The following HEATR6 variants were observed in gnomAD, a reference collection of about 807,000 sequenced individuals.
The protein encoded by HEATR6 is HEAT repeat containing 6, also known as HEAT repeat-containing protein 6.
Under a neutral mutation model 132.8 loss-of-function variants are expected in HEATR6, and 106 were observed. The ratio of observed to expected loss-of-function variants is 0.80; its 90% CI spans 0.68 to 0.94. The LOEUF (loss-of-function observed/expected upper bound fraction) is 0.94. Ranked by LOEUF, HEATR6 falls within the 40% of genes least tolerant of loss-of-function variation. The pLI is 0.00. For missense variants in HEATR6, 1,339 were observed against 1,425.1 expected, an observed-to-expected ratio of 0.94 and a Z score of 0.97; for synonymous variants, 529 against 537.8, an observed-to-expected ratio of 0.98 and a Z score of 0.23.
At chr17:60,052,329 C>A (rs894543629) in intron 14 of HEATR6, among the ~76,000 whole-genome samples, 1 of 152,194 alleles carries the variant, frequency 6.6e-6, no homozygotes, top group African/African-American at 2.4e-5. Flanking sequence ...AATTCCTGAC[C>A]CACAGAAACT....
At position 60,073,276 on chromosome 17, in the gene HEATR6, G is replaced by A. The variant is rs2083278881; in HGVS notation, c.472C>T (p.Leu158Phe). The part of the protein sequence containing the change: ...YCNGSKCQKY[L>F]PELLGNTGLL... ...CCGGTGTTGCCTAGCAGCTCTGGGA[G>A]GTACTAAGAAAAATAAGAGTCAATG... is the stretch of plus-strand genomic sequence containing the variant. Residue 158 changes from leucine to phenylalanine, a missense_variant, in exon 4 of 20, where the codon CTC becomes TTC. Leu to Phe is a conservative substitution (Grantham distance 22). Transcript: ENST00000184956. 6.3e-7 allele frequency: 1 copy of A among 1,586,878 alleles called. No homozygotes were observed. The highest frequency in any genetic ancestry group is 8.7e-7 in the Non-Finnish European group (1 of 1,155,628).
Position 60,041,921 on chromosome 17 carries a change from T to C in HEATR6, c.*1642A>G, listed in dbSNP as rs1906184638. Among the ~76,000 whole-genome samples, 1 of 152,236 alleles carries C rather than the reference T, an allele frequency of 6.6e-6. No homozygotes were observed. The highest frequency in any genetic ancestry group is 2.4e-5 in the African/African-American group (1 of 41,460). On this transcript the variant is annotated 3_prime_UTR_variant, in exon 20 of 20. Coordinates refer to ENST00000184956, the MANE Select transcript of HEATR6 (RefSeq NM_022070.5). ...CAAAGATAAGTATGGACAACTGTAA[T>C]TGGTTCTTATATATCCCTAAATTCC... is the stretch of plus-strand genomic sequence containing the variant.
rs2083248368 is a variant in HEATR6 at position 60,067,526 on chromosome 17, G to A, written c.1146C>T (p.Val382=). 6.2e-7 allele frequency: 1 copy of A among 1,613,016 alleles called. No individual in the cohort carries two copies. Among genetic ancestry groups the A allele is most frequent in the African/African-American group, 1.3e-5 (1 of 74,842 alleles). Residue 382 remains valine, a synonymous_variant, in exon 8 of 20, where the codon GTC becomes GTT. Coordinates refer to ENST00000184956, the MANE Select transcript of HEATR6 (RefSeq NM_022070.5). The part of the protein sequence containing the change: ...DGSGAAEKDG[V]SSSFSSSSWK... ...AACTGGAAGAACTGAAGGATGAGGA[G>A]ACTCCATCTTTTTCTGCAGCTCCAC...
At chr17:60,044,738 T>G (rs894454382) in intron 19 of HEATR6, among the ~76,000 whole-genome samples, 1 of 152,172 alleles carries the variant, frequency 6.6e-6, no homozygotes, top group African/African-American at 2.4e-5. Context: ...CACTTTGGGG[T>G]GTCCTTACTC....
At chr17:60,069,080 G>A (rs2083256697) in intron 7 of HEATR6, among the ~76,000 whole-genome samples, 1 of 152,168 alleles carries the variant, frequency 6.6e-6, no homozygotes, top group Non-Finnish European at 1.5e-5. Flanking sequence ...GTGAATCCTT[G>A]GCCATACATC....
At position 60,069,659 on chromosome 17, in the gene HEATR6, A is replaced by G. The variant is rs1316723200; in HGVS notation, c.939+52T>C. ...ATGCAAATCATAGAAAACACACACAACAATCTATTAAAAATAAGCCACAAC... is the reference window on the plus strand; with the variant it reads ...ATGCAAATCATAGAAAACACACACAGCAATCTATTAAAAATAAGCCACAAC... On this transcript the variant is annotated intron_variant, in intron 7 of 19. Transcript: ENST00000184956. 46 of 1,549,064 alleles carry G rather than the reference A, an allele frequency of 3.0e-5. 1 individual carries two copies. In the Middle Eastern group the frequency reaches 6.8e-4, roughly 23 times the overall value.
rs2145189185 is a variant in HEATR6 at position 60,057,480 on chromosome 17, TA to T, written c.1724-78del. Reference sequence around the variant, plus strand: ...GATGGTAGTTATCCCAGCAGGCAATTAAAAATTAGTAGTTCCTTGTGTAACC... The same window carrying T: ...GATGGTAGTTATCCCAGCAGGCAATTAAAATTAGTAGTTCCTTGTGTAACC... On this transcript the variant is annotated intron_variant, in intron 11 of 19. Transcript: ENST00000184956. 3 of 943,930 alleles carry T rather than the reference TA, an allele frequency of 3.2e-6. No individual in the cohort carries two copies. The East Asian group carries it at 7.4e-5, about 23-fold the overall frequency. 58.5% of individuals were successfully genotyped at this position (943,930 alleles called of 1,614,324 possible).
At position 60,044,025 on chromosome 17, in the gene HEATR6, C is replaced by G; in HGVS notation, c.3084G>C (p.Gly1028=). ...CAACAGACCCGTACTGCTCTCTCTT[C>G]CCCGGGACGGAAAGGGCAGCTGCAG... The part of the protein sequence containing the change: ...IRSAAALSVP[G]KREQYGSVDQ... The change falls in exon 20 of 20, where the codon GGG becomes GGC. Residue 1028 remains glycine (G), a synonymous_variant. Coordinates refer to ENST00000184956, the MANE Select transcript of HEATR6 (RefSeq NM_022070.5). 1 of 1,614,164 alleles carries G rather than the reference C, an allele frequency of 6.2e-7. No homozygotes were observed. Among genetic ancestry groups the G allele is most frequent in the Non-Finnish European group, 8.5e-7 (1 of 1,180,032 alleles).
Position 60,071,862 on chromosome 17 carries a change from G to A in HEATR6, c.699+353C>T, listed in dbSNP as rs535454101. ...ATTTAAAAGATGTTAATAAACTGTC[G>A]TTTGCATCGTATTTTTAAAAAAGAA... On this transcript the variant is annotated intron_variant, in intron 5 of 19. Coordinates refer to ENST00000184956, the MANE Select transcript of HEATR6 (RefSeq NM_022070.5). Among the ~76,000 whole-genome samples, 6 of 152,190 alleles carry A rather than the reference G, an allele frequency of 3.9e-5. No homozygotes were observed. In the East Asian group the frequency reaches 7.7e-4, roughly 20 times the overall value.
At chr17:60,063,773 A>C (rs1308728527) in intron 9 of HEATR6, 1 of 152,324 alleles carries the variant, frequency 6.6e-6, no homozygotes, top group Non-Finnish European at 1.5e-5. Context: ...CCATAAACTC[A>C]AAACTAATCA....
Position 60,078,676 on chromosome 17 carries a change from C to T in HEATR6, c.219+20G>A, listed in dbSNP as rs778755458. On this transcript the variant is annotated intron_variant, in intron 1 of 19. Coordinates refer to ENST00000184956, the MANE Select transcript of HEATR6 (RefSeq NM_022070.5). Reference sequence around the variant, plus strand: ...GGAGGGGTGGGGCCGGGGCCGGGGCCAGCAGGGCGCGCCGCCTACCTCCGG... The same window carrying T: ...GGAGGGGTGGGGCCGGGGCCGGGGCTAGCAGGGCGCGCCGCCTACCTCCGG... The T allele has an allele frequency of 3.9e-6, 6 of 1,529,658 alleles. No individual in the cohort carries two copies. The South Asian group carries it at 7.2e-5, about 18-fold the overall frequency. 94.8% of individuals were successfully genotyped at this position (1,529,658 alleles called of 1,614,324 possible). A position where few individuals can be genotyped will look rare whatever the true frequency, so the allele number is the denominator to read the frequency against.
At chr17:60,059,604 G>T in intron 10 of HEATR6, 83 bp from the exon 11 acceptor site, 1 of 957,992 alleles carries the variant, frequency 1.0e-6, no homozygotes. Flanking sequence ...AATTAAAAAA[G>T]AAAAGTTTTC....
rs139162824 is a variant in HEATR6, at chr17:60,043,463, C to T, written c.*100G>A. 2,021 of 997,942 alleles carry T rather than the reference C, an allele frequency of 2.0e-3. 11 individuals carry two copies. The highest frequency in any genetic ancestry group is 9.8e-3 in the Middle Eastern group (33 of 3,358). The allele number at this position is 997,942 out of a possible 1,614,324, so 61.8% of individuals were successfully genotyped here. A position where few individuals can be genotyped will look rare whatever the true frequency, so the allele number is the denominator to read the frequency against. ...TAAGTCATTCTAAATAAATAGTGAA[C>T]GGATTGTTTCTGCCCCTAAGATGAA... On this transcript the variant is annotated 3_prime_UTR_variant, in exon 20 of 20. Transcript: ENST00000184956.
intron 2 of HEATR6, among the ~76,000 whole-genome samples, chr17:60,074,505 T>C (rs2083287407): frequency 6.6e-6 from 1 of 152,218 alleles, no homozygotes; most frequent in Non-Finnish European, 1.5e-5. Flanking sequence ...CTGAGAATAG[T>C]AAACATACAG....
In HEATR6 at chr17:60,059,445, AT is replaced by A; in HGVS notation, c.1699del (p.Ile567Ter). On this transcript the variant is annotated frameshift_variant, in exon 11 of 20. Coordinates refer to ENST00000184956, the MANE Select transcript of HEATR6 (RefSeq NM_022070.5). ...LSLLTKVWNQ[I>X]KPYIRHKDVN... ...ACCTTTGTGGCGAATATAAGGCTTT[AT>A]CTGGTTCCAGACTTTGGTCAGCAGG... The A allele has an allele frequency of 1.9e-6, 3 of 1,613,158 alleles. No homozygotes were observed. Among genetic ancestry groups the A allele is most frequent in the Non-Finnish European group, 2.5e-6 (3 of 1,179,346 alleles).
In HEATR6 at chr17:60,066,311, A is replaced by G. The variant is rs1210681185; in HGVS notation, c.1314T>C (p.Val438=). 1 of 1,613,936 alleles carries G rather than the reference A, an allele frequency of 6.2e-7. No individual in the cohort carries two copies. Among genetic ancestry groups the G allele is most frequent in the East Asian group, 2.2e-5 (1 of 44,872 alleles). ...TAAAAGCTGACCAGTAGCCATAAAG[A>G]ACTTTTTTTTCTATCGATTTTATAG... is the stretch of plus-strand genomic sequence containing the variant. ...LSTIKSIEKK[V]LYGYWSAFIP... Residue 438 remains valine, a synonymous_variant, in exon 9 of 20, where the codon GTT becomes GTC. Coordinates refer to ENST00000184956, the MANE Select transcript of HEATR6 (RefSeq NM_022070.5).
chr17:60,078,901 T>A lies in HEATR6; in HGVS notation c.14A>T (p.Gln5Leu), dbSNP rs1314771180. 5.8e-6 allele frequency: 6 copies of A among 1,043,282 alleles called. No individual in the cohort carries two copies. The highest frequency in any genetic ancestry group is 5.0e-4 in the Middle Eastern group (2 of 3,994). The allele number at this position is 1,043,282 out of a possible 1,614,324, so 64.6% of individuals were successfully genotyped here. A position where few individuals can be genotyped will look rare whatever the true frequency, so the allele number is the denominator to read the frequency against. Residue 5 changes from glutamine (Q) to leucine (L), a missense_variant, in exon 1 of 20, where the codon CAA (glutamine) becomes CTA (leucine). Physicochemically the swap from Gln to Leu is moderately radical, Grantham distance 113. Coordinates refer to ENST00000184956, the MANE Select transcript of HEATR6 (RefSeq NM_022070.5). Reference sequence around the variant, plus strand: ...CACGGAAGGCCACGAACCGACAACTTGCACAGCAGCCATCTTTTCTACGGG... The same window carrying A: ...CACGGAAGGCCACGAACCGACAACTAGCACAGCAGCCATCTTTTCTACGGG... MAAV[Q>L]VVGSWPSVQP...
chr17:60,058,579 G>T (rs1238668318), intron 11 of HEATR6, among the ~76,000 whole-genome samples: 1 of 152,196 alleles, frequency 6.6e-6, no homozygotes, highest in African/African-American at 2.4e-5. Flanking sequence ...ATTAGTGTAA[G>T]TAGTGAACTG....
intron 1 of HEATR6, among the ~76,000 whole-genome samples, chr17:60,077,044 T>C (rs185768854): frequency 1.7e-3 from 261 of 152,048 alleles, no homozygotes; most frequent in Non-Finnish European, 3.1e-3. Flanking sequence ...CTATGTGTCA[T>C]AGTGTGCTAG....
Sources: gnomAD v4.1 joint callset for allele counts (sites outside exome capture counted in the v4.1 genomes callset) on GRCh38, gnomAD v4.1.1 for gene constraint, MANE v1.5 for transcripts, NCBI Gene and HGNC (gene_info 2026-07-23, HGNC 2026-07-21) for gene names.